SUGCT: variants seen among roughly 807,000 people sequenced by gnomAD.
The protein encoded by SUGCT is succinyl-CoA:glutarate CoA-transferase.
In SUGCT, 41 loss-of-function variants were observed where a neutral mutation model predicts 55.0. That is an observed-to-expected ratio of 0.74 (90% CI 0.58 to 0.97). The LOEUF is 0.97. Among genes scored for constraint, SUGCT ranks in the 50% least tolerant of loss-of-function variants. SUGCT has a pLI of 0.00. For synonymous variants in SUGCT, 187 were observed against 200.4 expected (o/e 0.93, Z 0.56); for missense variants, 568 against 547.8 (o/e 1.04, Z -0.37).
At chr7:40,844,406 C>T (rs1467951650) in intron 13 of SUGCT, among the ~76,000 whole-genome samples, 1 of 152,064 alleles carries the variant, frequency 6.6e-6, no homozygotes. Flanking sequence ...GGAAGGGGAG[C>T]TGGAAGGGGG....
intron 13 of SUGCT, among the ~76,000 whole-genome samples, chr7:40,789,054 G>A (rs1329469800): frequency 6.6e-6 from 1 of 152,094 alleles, no homozygotes; most frequent in African/African-American, 2.4e-5. Context: ...TTTCATCACT[G>A]GGATCCATCT....
intron 6 of SUGCT, among the ~76,000 whole-genome samples, chr7:40,210,895 G>A (rs544794456): frequency 6.6e-6 from 1 of 152,306 alleles, no homozygotes; most frequent in African/African-American, 2.4e-5. Context: ...AGTCAGGGTG[G>A]TGTAGGTAAT....
chr7:40,917,159 A>G, the SUGCT span, among the ~76,000 whole-genome samples: 1 of 152,228 alleles, frequency 6.6e-6, no homozygotes, highest in East Asian at 1.9e-4. Flanking sequence ...TTAGCTCCCC[A>G]TGGGGGAAGA....
At chr7:40,212,503 G>A (rs888357630) in intron 6 of SUGCT, among the ~76,000 whole-genome samples, 1 of 151,918 alleles carries the variant, frequency 6.6e-6, no homozygotes, top group Non-Finnish European at 1.5e-5. Flanking sequence ...ACTATAAGGA[G>A]GAACATGTAA....
chr7:40,843,043 C>T (rs1793354028), intron 13 of SUGCT, among the ~76,000 whole-genome samples: 1 of 152,136 alleles, frequency 6.6e-6, no homozygotes. Flanking sequence ...CAATCAGTCC[C>T]TCATTCACTC....
chr7:40,461,584 A>G (rs1443082890), intron 11 of SUGCT, among the ~76,000 whole-genome samples: 1 of 152,178 alleles, frequency 6.6e-6, no homozygotes, highest in Admixed American at 6.5e-5. Flanking sequence ...TGTCCTTTTC[A>G]TGCCTTGTCC....
At chr7:40,882,238 C>G in the SUGCT span, among the ~76,000 whole-genome samples, 3 of 152,128 alleles carry the variant, frequency 2.0e-5, no homozygotes, top group South Asian at 2.1e-4. Context: ...GTTCTTGAAG[C>G]CTGGCCAGTA....
chr7:40,561,363 G>T (rs1355637827), intron 12 of SUGCT, among the ~76,000 whole-genome samples: 1 of 152,190 alleles, frequency 6.6e-6, no homozygotes. Context: ...AGAAACAGAA[G>T]AATGTATTTC....
intron 13 of SUGCT, among the ~76,000 whole-genome samples, chr7:40,858,403 C>CAAAAAAA (rs58628576): frequency 4.9e-4 from 17 of 34,748 alleles, no homozygotes; most frequent in East Asian, 1.4e-3. Flanking sequence ...AATTCCATCT[C>CAAAAAAA]AAAAAAAAAA....
chr7:40,550,462 A>G (rs369326044), intron 12 of SUGCT, among the ~76,000 whole-genome samples: 49 of 152,262 alleles, frequency 3.2e-4, no homozygotes, highest in African/African-American at 1.2e-3. Context: ...CTCTTCTTGT[A>G]TGAGAAAGCA....
At chr7:40,298,025 C>A (rs369742931) in intron 8 of SUGCT, among the ~76,000 whole-genome samples, 6 of 151,488 alleles carry the variant, frequency 4.0e-5, no homozygotes, top group African/African-American at 4.8e-5. Context: ...CTTTCCTTTC[C>A]CTTCCTTCCC....
chr7:40,772,494 ATATC>A (rs70990644), intron 13 of SUGCT, among the ~76,000 whole-genome samples: 30,681 of 99,004 alleles, frequency 0.31, 4,914 homozygotes, highest in Middle Eastern at 0.39. Flanking sequence ...TTCTTTTGAA[ATATC>A]TATCTATCTA....
At chr7:40,544,114 C>T (rs1274120959) in intron 12 of SUGCT, among the ~76,000 whole-genome samples, 4 of 146,754 alleles carry the variant, frequency 2.7e-5, no homozygotes, top group African/African-American at 1.0e-4. Context: ...ACTTACTTGG[C>T]TTGGGTGAAG....
chr7:40,200,743 T>A (rs796951290), intron 6 of SUGCT, among the ~76,000 whole-genome samples: 19 of 150,584 alleles, frequency 1.3e-4, no homozygotes, highest in African/African-American at 4.4e-4. Context: ...GAATGCAGAT[T>A]AAAAAAAAAG....
chr7:40,933,268 T>C, the SUGCT span, among the ~76,000 whole-genome samples: 1 of 152,214 alleles, frequency 6.6e-6, no homozygotes, highest in Non-Finnish European at 1.5e-5. Flanking sequence ...GTCCCCACCC[T>C]CTTCTGGCTT....
chr7:40,950,695 T>A, the SUGCT span, among the ~76,000 whole-genome samples: 6 of 152,366 alleles, frequency 3.9e-5, no homozygotes, highest in Non-Finnish European at 8.8e-5. Context: ...AAAGGCCTTT[T>A]CTGTATCTAT....
chr7:40,309,466 T>G (rs531155740), intron 8 of SUGCT, among the ~76,000 whole-genome samples: 1 of 152,300 alleles, frequency 6.6e-6, no homozygotes, highest in African/African-American at 2.4e-5. Context: ...AGCTAATTTT[T>G]GTATTTTTAG....
chr7:40,674,918 A>G (rs2151876341), intron 12 of SUGCT, among the ~76,000 whole-genome samples: 1 of 152,244 alleles, frequency 6.6e-6, no homozygotes, highest in African/African-American at 2.4e-5. Context: ...GTATATTAGG[A>G]AAGTTTTTGA....
intron 12 of SUGCT, among the ~76,000 whole-genome samples, chr7:40,647,014 T>G (rs1232237393): frequency 6.6e-6 from 1 of 152,240 alleles, no homozygotes; most frequent in Non-Finnish European, 1.5e-5. Flanking sequence ...CTGTACACAC[T>G]GGCTAGAGTT....
Sources: allele counts gnomAD v4.1 joint callset (sites outside exome capture counted in the v4.1 genomes callset), GRCh38; gene constraint gnomAD v4.1.1; transcripts MANE v1.5; gene names NCBI Gene and HGNC (gene_info 2026-07-23, HGNC 2026-07-21).